Variants in SLC1A3 observed in about 807,000 individuals in gnomAD.
SLC1A3 encodes the protein solute carrier family 1 member 3.
In SLC1A3, 21 loss-of-function variants were observed where a neutral mutation model predicts 48.1. The observed-to-expected ratio is 0.44, with a 90% confidence interval of 0.31 to 0.63. The LOEUF (loss-of-function observed/expected upper bound fraction) is 0.63, where lower values mean the gene tolerates loss of function less well. Among genes scored for constraint, SLC1A3 ranks in the 20% least tolerant of loss-of-function variants. The probability of loss-of-function intolerance (pLI) is 0.08; values close to 1 mark genes in which losing one functional copy is unlikely to be tolerated. For missense variants in SLC1A3, 546 were observed against 689.0 expected, an observed-to-expected ratio of 0.79 and a Z score of 2.32; for synonymous variants, 239 against 251.4, an observed-to-expected ratio of 0.95 and a Z score of 0.47.
intron 1 of SLC1A3, 31 bp from the exon 2 acceptor site, chr5:36,608,298 A>G: frequency 2.2e-5 from 18 of 837,080 alleles, no homozygotes; most frequent in South Asian, 1.4e-4. Flanking sequence ...CCTGGAGGCT[A>G]TAACTCATGT....
In SLC1A3 at chr5:36,686,575, AT is replaced by A. The variant is rs886060544; in HGVS notation, c.*313del. 1.5e-5 allele frequency: 5 copies of A among 338,932 alleles called. No individual in the cohort carries two copies. The highest frequency in any genetic ancestry group is 6.3e-5 in the African/African-American group (3 of 47,656). 21.0% of individuals were successfully genotyped at this position (338,932 alleles called of 1,614,324 possible). On this transcript the variant is annotated 3_prime_UTR_variant, in exon 10 of 10. Coordinates refer to ENST00000265113, the MANE Select transcript of SLC1A3 (RefSeq NM_004172.5). Reference sequence around the variant, plus strand: ...TGTGGCACACAATCCTATAAATGTGATTTTTTTATATAAGTTAAAGAGACAA... The same window carrying A: ...TGTGGCACACAATCCTATAAATGTGATTTTTTATATAAGTTAAAGAGACAA...
At chr5:36,632,022 A>G (rs998354864) in intron 3 of SLC1A3, among the ~76,000 whole-genome samples, 4 of 152,274 alleles carry the variant, frequency 2.6e-5, no homozygotes, top group African/African-American at 9.6e-5. Context: ...ATGCATGTAC[A>G]TGAAGCTGCC....
intron 3 of SLC1A3, among the ~76,000 whole-genome samples, chr5:36,651,251 C>T (rs1279012315): frequency 6.6e-6 from 1 of 151,658 alleles, no homozygotes; most frequent in Admixed American, 6.6e-5. Flanking sequence ...ACTCTTCCTC[C>T]CTAACTCCAC....
At chr5:36,615,426 C>T (rs1411653338) in intron 2 of SLC1A3, among the ~76,000 whole-genome samples, 1 of 151,978 alleles carries the variant, frequency 6.6e-6, no homozygotes, top group Non-Finnish European at 1.5e-5. Flanking sequence ...GACACTGTAC[C>T]ATTGCTAGAA....
chr5:36,672,113 C>T lies in SLC1A3; in HGVS notation c.524+880C>T, dbSNP rs148798615. Reference sequence around the variant, plus strand: ...GTTAACACCCTTAGCTATGAAGGAGCAAAGGGAACCCAGAAAGAGCTATAG... The same window carrying T: ...GTTAACACCCTTAGCTATGAAGGAGTAAAGGGAACCCAGAAAGAGCTATAG... On this transcript the variant is annotated intron_variant, in intron 4 of 9. Coordinates refer to ENST00000265113, the MANE Select transcript of SLC1A3 (RefSeq NM_004172.5). Among the ~76,000 whole-genome samples the T allele has an allele frequency of 1.8e-4, 27 of 152,252 alleles. No individual in the cohort carries two copies. The East Asian group carries it at 3.3e-3, about 18-fold the overall frequency.
At chr5:36,642,752 C>A (rs1284830894) in intron 3 of SLC1A3, among the ~76,000 whole-genome samples, 1 of 152,152 alleles carries the variant, frequency 6.6e-6, no homozygotes, top group African/African-American at 2.4e-5. Context: ...AAACTCTAGT[C>A]TACTTTCTTT....
At chr5:36,650,491 G>A (rs1052537700) in intron 3 of SLC1A3, among the ~76,000 whole-genome samples, 2 of 152,152 alleles carry the variant, frequency 1.3e-5, no homozygotes, top group Non-Finnish European at 2.9e-5. Context: ...TAAGTTTGAA[G>A]GCTAGCTCTC....
At chr5:36,646,824 C>T (rs560316997) in intron 3 of SLC1A3, among the ~76,000 whole-genome samples, 1 of 152,222 alleles carries the variant, frequency 6.6e-6, no homozygotes, top group South Asian at 2.1e-4. Flanking sequence ...CAATAGTACC[C>T]ACAAATAATG....
intron 2 of SLC1A3, among the ~76,000 whole-genome samples, chr5:36,628,872 A>G (rs1285198677): frequency 6.6e-6 from 1 of 152,212 alleles, no homozygotes; most frequent in Non-Finnish European, 1.5e-5. Context: ...AGTCTGTACA[A>G]TACAGTTACC....
At chr5:36,675,242 AT>A (rs1377263881) in intron 5 of SLC1A3, among the ~76,000 whole-genome samples, 1 of 124,202 alleles carries the variant, frequency 8.1e-6, no homozygotes, top group Admixed American at 8.7e-5. Context: ...TTCAAACCAA[AT>A]TCTTTCTTTA....
At chr5:36,617,873 T>C (rs139094532) in intron 2 of SLC1A3, among the ~76,000 whole-genome samples, 1,765 of 152,350 alleles carry the variant, frequency 0.012, 43 homozygotes, top group African/African-American at 0.04. Flanking sequence ...CTTTCACCCA[T>C]GTATCTGGAT....
At chr5:36,680,341 A>T (rs1393863497) in intron 7 of SLC1A3, 54 bp from the exon 8 acceptor site, 1 of 1,470,898 alleles carries the variant, frequency 6.8e-7, no homozygotes, top group African/African-American at 1.4e-5. Flanking sequence ...AAACGCACAG[A>T]CAGTCAGAAC....
intron 3 of SLC1A3, among the ~76,000 whole-genome samples, chr5:36,653,522 G>T (rs1741168743): frequency 6.6e-6 from 1 of 152,178 alleles, no homozygotes; most frequent in Non-Finnish European, 1.5e-5. Context: ...CACTAAAATT[G>T]CTCCTTCTTT....
chr5:36,678,893 A>G (rs373831969), intron 6 of SLC1A3, among the ~76,000 whole-genome samples: 1 of 152,224 alleles, frequency 6.6e-6, no homozygotes, highest in African/African-American at 2.4e-5. Flanking sequence ...TTAATAATGA[A>G]TTTATTTTAT....
At chr5:36,641,494 A>G (rs924914978) in intron 3 of SLC1A3, among the ~76,000 whole-genome samples, 1 of 152,190 alleles carries the variant, frequency 6.6e-6, no homozygotes, top group African/African-American at 2.4e-5. Flanking sequence ...CAAATGTTCT[A>G]CAATTGTAAT....
chr5:36,620,501 T>C (rs1214731867), intron 2 of SLC1A3, among the ~76,000 whole-genome samples: 1 of 152,214 alleles, frequency 6.6e-6, no homozygotes, highest in African/African-American at 2.4e-5. Context: ...GGGATTGCAG[T>C]AGGGAATCAG....
At chr5:36,665,551 A>G (rs1741705597) in intron 3 of SLC1A3, among the ~76,000 whole-genome samples, 1 of 152,244 alleles carries the variant, frequency 6.6e-6, no homozygotes, top group Admixed American at 6.5e-5. Context: ...CTTTGTGAAC[A>G]GCTTGTTTAT....
At chr5:36,606,991 A>C (rs1333469667) in intron 1 of SLC1A3, 2 of 151,870 alleles carry the variant, frequency 1.3e-5, no homozygotes, top group African/African-American at 4.8e-5. Context: ...ATCAAGGTTG[A>C]GCGGATCTGC....
chr5:36,635,833 G>C (rs983587614), intron 3 of SLC1A3, among the ~76,000 whole-genome samples: 1 of 152,054 alleles, frequency 6.6e-6, no homozygotes, highest in African/African-American at 2.4e-5. Context: ...TGGAAACAAG[G>C]CAATCATTAT....
Sources: gnomAD v4.1 joint callset for allele counts (sites outside exome capture counted in the v4.1 genomes callset) on GRCh38, gnomAD v4.1.1 for gene constraint, MANE v1.5 for transcripts, NCBI Gene and HGNC (gene_info 2026-07-23, HGNC 2026-07-21) for gene names.